The following C1orf116 variants were observed in gnomAD, a reference collection of about 807,000 sequenced individuals.
The protein encoded by C1orf116 is chromosome 1 open reading frame 116.
A neutral mutation model predicts 14.1 loss-of-function variants in C1orf116; 12 were observed. The ratio of observed to expected loss-of-function variants is 0.85; its 90% CI spans 0.54 to 1.38. The LOEUF is 1.38. Among genes scored for constraint, C1orf116 ranks in the 40% most tolerant of loss-of-function variants. The pLI is 0.00. For missense variants in C1orf116, 797 were observed against 747.0 expected, an observed-to-expected ratio of 1.07 and a Z score of -0.78; for synonymous variants, 296 against 299.0, an observed-to-expected ratio of 0.99 and a Z score of 0.10.
At chr1:207,027,442 G>A (rs1331808477) in intron 2 of C1orf116, 52 bp downstream of exon 2, 3 of 1,605,276 alleles carry the variant, frequency 1.9e-6, no homozygotes, top group East Asian at 4.5e-5. Flanking sequence ...GGGCAGGGCA[G>A]GGCAGGTGTG....
In C1orf116 at chr1:207,021,913, T is replaced by C. The variant is rs533752676; in HGVS notation, c.*45A>G. ...CAAAGGCTCCCAAGTGGAGCATGTGTCTCTTCTTGTTCAGCCAGGACAGGG... is the reference window on the plus strand; with the variant it reads ...CAAAGGCTCCCAAGTGGAGCATGTGCCTCTTCTTGTTCAGCCAGGACAGGG... On this transcript the variant is annotated 3_prime_UTR_variant, in exon 4 of 4. Coordinates refer to ENST00000359470, the MANE Select transcript of C1orf116 (RefSeq NM_023938.6). 35 of 1,476,284 alleles carry C rather than the reference T, an allele frequency of 2.4e-5. No homozygotes were observed. In the East Asian group the frequency reaches 7.9e-4, roughly 33 times the overall value. The allele number at this position is 1,476,284 out of a possible 1,614,324, so 91.4% of individuals were successfully genotyped here.
Position 207,020,617 on chromosome 1 carries a change from G to A in C1orf116, c.*1341C>T, listed in dbSNP as rs1009625341. ...CACAACTTGGTCACGGAATTTGAGG[G>A]GAGAGGTGTTCTGGTTAATGATGAG... On this transcript the variant is annotated 3_prime_UTR_variant, in exon 4 of 4. Coordinates refer to ENST00000359470, the MANE Select transcript of C1orf116 (RefSeq NM_023938.6). 11 of 152,186 alleles carry A rather than the reference G, an allele frequency of 7.2e-5. No individual in the cohort carries two copies. The highest frequency in any genetic ancestry group is 2.4e-4 in the African/African-American group (10 of 41,438). The allele number at this position is 152,186 out of a possible 1,614,324, so 9.4% of individuals were successfully genotyped here.
At chr1:207,031,297 G>C (rs968596495) in intron 1 of C1orf116, among the ~76,000 whole-genome samples, 3 of 152,204 alleles carry the variant, frequency 2.0e-5, no homozygotes, top group Non-Finnish European at 4.4e-5. Context: ...CCTTTCACCA[G>C]TGTGTTTGAG....
chr1:207,019,402 T>C lies in C1orf116; in HGVS notation c.*2556A>G, dbSNP rs986887854. On this transcript the variant is annotated 3_prime_UTR_variant, in exon 4 of 4. Transcript: ENST00000359470. ...TGGAAGTAGAGCTGTCGCTTTGATT[T>C]TGAAAATCAAATGAATGGCCTTTAC... 2.6e-5 allele frequency: 4 copies of C among 152,342 alleles called. No individual in the cohort carries two copies. The highest frequency in any genetic ancestry group is 3.9e-4 in the East Asian group (2 of 5,184). The allele number at this position is 152,342 out of a possible 1,614,324, so 9.4% of individuals were successfully genotyped here.
rs191886109 is a variant in C1orf116, at chr1:207,023,551, G to T, written c.284-71C>A. The T allele has an allele frequency of 4.6e-4, 684 of 1,502,298 alleles. 5 individuals carry two copies. In the African/African-American group the frequency reaches 8.7e-3, roughly 19 times the overall value. The allele number at this position is 1,502,298 out of a possible 1,614,324, so 93.1% of individuals were successfully genotyped here. A position where few individuals can be genotyped will look rare whatever the true frequency, so the allele number is the denominator to read the frequency against. On this transcript the variant is annotated intron_variant, in intron 3 of 3. Coordinates refer to ENST00000359470, the MANE Select transcript of C1orf116 (RefSeq NM_023938.6). ...GGACAGAGGTGAGGGCCCTGCTGCA[G>T]AGGGGAAAGCAATGACTTCCTGAAC...
chr1:207,030,612 C>G (rs934361027), intron 1 of C1orf116, among the ~76,000 whole-genome samples: 1 of 152,206 alleles, frequency 6.6e-6, no homozygotes, highest in African/African-American at 2.4e-5. Context: ...CACCTCATCT[C>G]CATACCTAGT....
chr1:207,023,533 G>C, intron 3 of C1orf116, 53 bp from the exon 4 acceptor site: 4 of 1,524,816 alleles, frequency 2.6e-6, no homozygotes, highest in Non-Finnish European at 3.5e-6. Context: ...AGTGGACAGA[G>C]GTGAGGGCCC....
rs532818610 is a variant in C1orf116, at chr1:207,025,125, C to T, written c.106-61G>A. ...GCGGGGGGGAGGGCGAGAAGAAGAA[C>T]AGGAGAGGGAGAGAGAGCTGTGAGA... is the stretch of plus-strand genomic sequence containing the variant. On this transcript the variant is annotated intron_variant, in intron 2 of 3. Transcript: ENST00000359470. The T allele has an allele frequency of 1.8e-4, 212 of 1,157,894 alleles. 2 individuals are homozygous for T. The East Asian group carries it at 4.6e-3, about 25-fold the overall frequency. The allele number at this position is 1,157,894 out of a possible 1,614,324, so 71.7% of individuals were successfully genotyped here. A position where few individuals can be genotyped will look rare whatever the true frequency, so the allele number is the denominator to read the frequency against.
At chr1:207,028,281 G>A (rs897992658) in intron 1 of C1orf116, among the ~76,000 whole-genome samples, 1 of 152,138 alleles carries the variant, frequency 6.6e-6, no homozygotes, top group Non-Finnish European at 1.5e-5. Flanking sequence ...CAGAAAAGAA[G>A]GGTTCTGGTT....
chr1:207,023,028 C>A lies in C1orf116; in HGVS notation c.736G>T (p.Ala246Ser). The A allele has an allele frequency of 6.2e-7, 1 of 1,613,618 alleles. No homozygotes were observed. Among genetic ancestry groups the A allele is most frequent in the African/African-American group, 1.3e-5 (1 of 75,020 alleles). The change falls in exon 4 of 4, where the codon GCC becomes TCC. Residue 246 changes from alanine to serine, a missense_variant. By Grantham distance (99) the Ala-to-Ser change is moderately conservative (BLOSUM62 1). Coordinates refer to ENST00000359470, the MANE Select transcript of C1orf116 (RefSeq NM_023938.6). ...SQEREQTPSEAMSQKAKETVS... is the reference protein window; with the variant it reads ...SQEREQTPSESMSQKAKETVS... ...GTTTCCTTGGCTTTTTGGGACATGG[C>A]TTCTGAAGGAGTCTGCTCTCTTTCC... is the stretch of plus-strand genomic sequence containing the variant.
intron 2 of C1orf116, among the ~76,000 whole-genome samples, chr1:207,025,671 G>T (rs1209624181): frequency 6.6e-6 from 1 of 152,212 alleles, no homozygotes; most frequent in Non-Finnish European, 1.5e-5. Context: ...TGTACTAAAT[G>T]ATTTGTACTT....
At position 207,022,935 on chromosome 1, in the gene C1orf116, C is replaced by A. The variant is rs1461609069; in HGVS notation, c.829G>T (p.Asp277Tyr). 6.2e-7 allele frequency: 1 copy of A among 1,614,192 alleles called. No individual in the cohort carries two copies. The highest frequency in any genetic ancestry group is 1.1e-5 in the South Asian group (1 of 91,084). ...AGLPQNARAE[D>Y]APLSSGEDPN... is the part of the protein sequence containing the mutation. ...TCCTCCCCTGATGAGAGGGGAGCAT[C>A]TTCAGCTCTTGCATTCTGAGGCAAC... The change falls in exon 4 of 4, where the codon GAT (aspartate) becomes TAT (tyrosine). Residue 277 changes from aspartate to tyrosine, a missense_variant. Asp to Tyr is a radical substitution (Grantham distance 160, BLOSUM62 -3). Coordinates refer to ENST00000359470, the MANE Select transcript of C1orf116 (RefSeq NM_023938.6).
At chr1:207,029,709 T>C (rs948080535) in intron 1 of C1orf116, among the ~76,000 whole-genome samples, 5 of 152,226 alleles carry the variant, frequency 3.3e-5, no homozygotes, top group Non-Finnish European at 7.3e-5. Context: ...CTCAGTGAAA[T>C]TTGGGCAATG....
chr1:207,020,302 T>A lies in C1orf116; in HGVS notation c.*1656A>T, dbSNP rs1681799135. ...CAGGGTGGAGTATTTGTTGTCCTTA[T>A]GTTAACCTTGTCACCGTTTTCAGAA... On this transcript the variant is annotated 3_prime_UTR_variant, in exon 4 of 4. Transcript: ENST00000359470. 1 of 152,244 alleles carries A rather than the reference T, an allele frequency of 6.6e-6. No homozygotes were observed. Among genetic ancestry groups the A allele is most frequent in the Admixed American group, 6.5e-5 (1 of 15,282 alleles). 9.4% of individuals were successfully genotyped at this position (152,244 alleles called of 1,614,324 possible). A position where few individuals can be genotyped will look rare whatever the true frequency, so the allele number is the denominator to read the frequency against.
rs1365783550 is a variant in C1orf116 at position 207,022,505 on chromosome 1, G to A, written c.1259C>T (p.Pro420Leu). The A allele has an allele frequency of 1.2e-6, 2 of 1,614,184 alleles. No homozygotes were observed. Among genetic ancestry groups the A allele is most frequent in the Admixed American group, 1.7e-5 (1 of 60,022 alleles). The change falls in exon 4 of 4, where the codon CCA becomes CTA. Residue 420 changes from proline to leucine, a missense_variant. Physicochemically the swap from Pro to Leu is moderately conservative, Grantham distance 98. Transcript: ENST00000359470. Reference sequence around the variant, plus strand: ...CTTCATTGGCAAAGGTCCCTGAGCTGGACCTGGAGCTGGAGCCGGAGCTTG... The same window carrying A: ...CTTCATTGGCAAAGGTCCCTGAGCTAGACCTGGAGCTGGAGCCGGAGCTTG... ...LAQAPAPAPG[P>L]AQGPLPMKSP...
rs1207524216 is a variant in C1orf116, at chr1:207,023,421, T to C, written c.343A>G (p.Ser115Gly). ...TGGGGCTCAGGAGGGTGGGATGAGC[T>C]GGACTCAGTTACTGTCCTTGGCGTT... is the stretch of plus-strand genomic sequence containing the variant. ...GRTPRTVTES[S>G]SSHPPEPQGL... is the part of the protein sequence containing the mutation. The change falls in exon 4 of 4, where the codon AGC (serine) becomes GGC (glycine). Residue 115 changes from serine (S) to glycine (G), a missense_variant. Ser to Gly is a moderately conservative substitution (Grantham distance 56). Coordinates refer to ENST00000359470, the MANE Select transcript of C1orf116 (RefSeq NM_023938.6). 1 of 1,613,882 alleles carries C rather than the reference T, an allele frequency of 6.2e-7. No individual in the cohort carries two copies. Among genetic ancestry groups the C allele is most frequent in the East Asian group, 2.2e-5 (1 of 44,886 alleles).
intron 2 of C1orf116, 44 bp downstream of exon 2, chr1:207,027,450 G>A (rs1682113306): frequency 1.9e-6 from 3 of 1,607,386 alleles, no homozygotes; most frequent in Admixed American, 3.3e-5. Context: ...CAGGGCAGGT[G>A]TGCAGAGAGC....
rs80224118 is a variant in C1orf116, at chr1:207,027,572, C to T, written c.27G>A (p.Ala9=). ...GGGTCACGGGTTCTGAGCCAGTCCCCGCTGGCCACAGCTCCCTCTCGGGCA... is the reference window on the plus strand; with the variant it reads ...GGGTCACGGGTTCTGAGCCAGTCCCTGCTGGCCACAGCTCCCTCTCGGGCA... MPERELWP[A]GTGSEPVTRV... is the part of the protein sequence containing the mutation. Residue 9 remains alanine, a synonymous_variant, in exon 2 of 4, where the codon GCG becomes GCA. Transcript: ENST00000359470. The T allele has an allele frequency of 7.0e-4, 1,132 of 1,613,342 alleles. 4 individuals are homozygous for T. The highest frequency in any genetic ancestry group is 5.9e-3 in the Admixed American group (356 of 60,030).
intron 3 of C1orf116, among the ~76,000 whole-genome samples, chr1:207,024,339 C>T (rs574523567): frequency 6.6e-6 from 1 of 152,380 alleles, no homozygotes; most frequent in South Asian, 2.1e-4. Context: ...TTCTCACACC[C>T]TGGGACATGT....
Sources: allele counts gnomAD v4.1 joint callset (sites outside exome capture counted in the v4.1 genomes callset), GRCh38; gene constraint gnomAD v4.1.1; transcripts MANE v1.5; gene names NCBI Gene and HGNC (gene_info 2026-07-23, HGNC 2026-07-21).